OSBPL6: variants seen among roughly 807,000 people sequenced by gnomAD.
The protein encoded by OSBPL6 is oxysterol-binding protein-related protein 6.
In OSBPL6, 49 loss-of-function variants were observed where a neutral mutation model predicts 125.8. That is an observed-to-expected ratio of 0.39 (90% CI 0.31 to 0.49). The LOEUF is 0.49. OSBPL6 is among the 20% of genes least tolerant of loss of function. The pLI is 0.88. For synonymous variants in OSBPL6, 394 were observed against 391.8 expected (o/e 1.01, Z -0.07); for missense variants, 986 against 1,135.4 (o/e 0.87, Z 1.89).
At chr2:178,249,251 T>C (rs1007985202) in intron 1 of OSBPL6, among the ~76,000 whole-genome samples, 10 of 152,250 alleles carry the variant, frequency 6.6e-5, no homozygotes, top group Admixed American at 3.3e-4. Context: ...CTATTGTATT[T>C]TTTAAGCAAA....
intron 2 of OSBPL6, among the ~76,000 whole-genome samples, chr2:178,290,570 C>T (rs891857709): frequency 5.3e-5 from 8 of 152,108 alleles, no homozygotes; most frequent in Admixed American, 1.3e-4. Flanking sequence ...CTGGACACAC[C>T]TATATAATCA....
At chr2:178,220,627 T>C (rs2090299218) in intron 1 of OSBPL6, among the ~76,000 whole-genome samples, 1 of 152,208 alleles carries the variant, frequency 6.6e-6, no homozygotes. Flanking sequence ...AGTGTTCTTA[T>C]TGGAATTTGA....
At chr2:178,366,440 T>A (rs1201244956) in intron 13 of OSBPL6, among the ~76,000 whole-genome samples, 1 of 152,192 alleles carries the variant, frequency 6.6e-6, no homozygotes, top group Non-Finnish European at 1.5e-5. Flanking sequence ...ACCCATCTAT[T>A]CCAGCTAGAA....
At chr2:178,384,326 A>T in intron 18 of OSBPL6, 150 bp downstream of exon 18, 1 of 1,147,304 alleles carries the variant, frequency 8.7e-7, no homozygotes, top group Non-Finnish European at 1.2e-6. Context: ...CAGTTTAGAA[A>T]GTTTATTTTG....
chr2:178,376,424 A>G (rs1436901197), intron 15 of OSBPL6, among the ~76,000 whole-genome samples: 2 of 151,582 alleles, frequency 1.3e-5, no homozygotes, highest in Non-Finnish European at 2.9e-5. Flanking sequence ...TCATCTAAAT[A>G]CTCTCAGATT....
chr2:178,379,367 A>AAAGGAGAAAGGAGGC (rs1694242106), intron 15 of OSBPL6, among the ~76,000 whole-genome samples: 1 of 143,898 alleles, frequency 6.9e-6, no homozygotes, highest in Non-Finnish European at 1.5e-5. Context: ...GAAGGAAGGA[A>AAAGGAGAAAGGAGGC]AGGGAGGGAG....
chr2:178,345,194 A>T (rs1690586689), intron 11 of OSBPL6, among the ~76,000 whole-genome samples: 1 of 152,242 alleles, frequency 6.6e-6, no homozygotes, highest in South Asian at 2.1e-4. Flanking sequence ...TACTGAGTTC[A>T]CAGCAATCAT....
At chr2:178,333,943 A>G (rs1041019987) in intron 8 of OSBPL6, among the ~76,000 whole-genome samples, 2 of 152,234 alleles carry the variant, frequency 1.3e-5, no homozygotes, top group African/African-American at 2.4e-5. Flanking sequence ...TGACATAGCC[A>G]TTAAACAGCT....
chr2:178,363,250 GTAAA>G (rs1281889336), intron 13 of OSBPL6, among the ~76,000 whole-genome samples: 2 of 152,250 alleles, frequency 1.3e-5, no homozygotes, highest in Admixed American at 6.5e-5. Flanking sequence ...ACAGAGAATG[GTAAA>G]TAAAGATCTC....
intron 22 of OSBPL6, 113 bp from the exon 23 acceptor site, chr2:178,392,299 G>A: frequency 1.6e-6 from 2 of 1,250,760 alleles, no homozygotes; most frequent in Non-Finnish European, 2.2e-6. Flanking sequence ...ATAATCTTGT[G>A]TTTATGACTA....
chr2:178,279,303 A>T (rs1683893455), intron 1 of OSBPL6, among the ~76,000 whole-genome samples: 1 of 152,228 alleles, frequency 6.6e-6, no homozygotes, highest in East Asian at 1.9e-4. Flanking sequence ...ACATGTGGGC[A>T]AAACCCAGGC....
At chr2:178,255,075 G>A (rs1025481545) in intron 1 of OSBPL6, among the ~76,000 whole-genome samples, 56 of 152,318 alleles carry the variant, frequency 3.7e-4, no homozygotes, top group African/African-American at 1.3e-3. Flanking sequence ...AGGCCAAGGT[G>A]GGCAGATCAC....
At chr2:178,332,396 T>C (rs1445239633) in intron 6 of OSBPL6, among the ~76,000 whole-genome samples, 2 of 152,232 alleles carry the variant, frequency 1.3e-5, no homozygotes, top group African/African-American at 4.8e-5. Flanking sequence ...AGTATTACAT[T>C]CTATGCCAAA....
intron 2 of OSBPL6, among the ~76,000 whole-genome samples, chr2:178,304,063 T>C (rs117827791): frequency 6.6e-6 from 1 of 152,306 alleles, no homozygotes; most frequent in East Asian, 1.9e-4. Flanking sequence ...AATTTCTTTC[T>C]CACAGTTCCG....
intron 11 of OSBPL6, among the ~76,000 whole-genome samples, chr2:178,341,806 T>G (rs1018320806): frequency 1.3e-5 from 2 of 152,190 alleles, no homozygotes; most frequent in Non-Finnish European, 1.5e-5. Flanking sequence ...GTCCTATCTG[T>G]GGACCTTTTC....
intron 24 of OSBPL6, among the ~76,000 whole-genome samples, chr2:178,394,642 G>A (rs1169440691): frequency 2.0e-5 from 3 of 152,122 alleles, no homozygotes; most frequent in Non-Finnish European, 4.4e-5. Flanking sequence ...CTTTTCATGG[G>A]CAGCAGAAAA....
chr2:178,301,302 T>C (rs1025947372), intron 2 of OSBPL6, among the ~76,000 whole-genome samples: 6 of 152,200 alleles, frequency 3.9e-5, no homozygotes, highest in Non-Finnish European at 5.9e-5. Flanking sequence ...ATCTCATTGT[T>C]CCAAAATATA....
chr2:178,210,849 CCCCT>C (rs2089825256), intron 1 of OSBPL6, among the ~76,000 whole-genome samples: 3 of 141,730 alleles, frequency 2.1e-5, no homozygotes, highest in Non-Finnish European at 4.6e-5. Flanking sequence ...CACACACACA[CCCCT>C]CTCTGCTGGA....
chr2:178,366,850 T>C (rs1291537518), intron 13 of OSBPL6, among the ~76,000 whole-genome samples: 1 of 152,248 alleles, frequency 6.6e-6, no homozygotes, highest in African/African-American at 2.4e-5. Context: ...ACATGTTCTT[T>C]AAACTTTAAA....
Sources: allele counts gnomAD v4.1 joint callset (sites outside exome capture counted in the v4.1 genomes callset), GRCh38; gene constraint gnomAD v4.1.1; transcripts MANE v1.5; gene names NCBI Gene and HGNC (gene_info 2026-07-23, HGNC 2026-07-21).